ALPL: variants seen among roughly 807,000 people sequenced by gnomAD.
ALPL encodes the protein alkaline phosphatase, tissue-nonspecific isozyme.
Under a neutral mutation model 51.3 loss-of-function variants are expected in ALPL, and 42 were observed. The observed-to-expected ratio is 0.82, with a 90% CI of 0.64 to 1.06. The LOEUF (loss-of-function observed/expected upper bound fraction) is 1.06. ALPL is among the 50% of genes least tolerant of loss of function. The pLI, the probability that ALPL is intolerant of heterozygous loss-of-function variation, is 0.00. For missense variants in ALPL, 589 were observed against 709.4 expected (o/e 0.83, Z 1.93); for synonymous variants, 279 against 296.4 (o/e 0.94, Z 0.60).
At chr1:21,547,425 C>T (rs909911563) in intron 1 of ALPL, among the ~76,000 whole-genome samples, 6 of 152,206 alleles carry the variant, frequency 3.9e-5, no homozygotes, top group African/African-American at 1.4e-4. Context: ...GTCCCCCATC[C>T]TGGATGTGGT....
chr1:21,566,351 T>C (rs1644564282), intron 6 of ALPL, among the ~76,000 whole-genome samples: 1 of 152,144 alleles, frequency 6.6e-6, no homozygotes, highest in African/African-American at 2.4e-5. Context: ...TGGTGCGATC[T>C]TGGCTCACTG....
chr1:21,519,325 C>T (rs1032633487), intron 1 of ALPL, among the ~76,000 whole-genome samples: 3 of 152,232 alleles, frequency 2.0e-5, no homozygotes, highest in African/African-American at 7.2e-5. Context: ...TTTCCTCCAC[C>T]GCAGGCTCAG....
chr1:21,540,169 G>T (rs1316476644), intron 1 of ALPL, among the ~76,000 whole-genome samples: 1 of 152,140 alleles, frequency 6.6e-6, no homozygotes, highest in Non-Finnish European at 1.5e-5. Context: ...GGCAGAACAT[G>T]TCCTTTCCAT....
chr1:21,563,959 C>T (rs994111188), intron 5 of ALPL, 82 bp from the exon 6 acceptor site: 24 of 1,500,514 alleles, frequency 1.6e-5, no homozygotes, highest in South Asian at 7.0e-5. Context: ...CTGTCTTTAG[C>T]GGGGAGGGGG....
At chr1:21,522,902 T>TA (rs1643898143) in intron 1 of ALPL, among the ~76,000 whole-genome samples, 1 of 152,182 alleles carries the variant, frequency 6.6e-6, no homozygotes, top group Admixed American at 6.5e-5. Flanking sequence ...GCAAGTCAGA[T>TA]ACATTAATCA....
In ALPL at chr1:21,577,853, T is replaced by C. The variant is rs1420953422; in HGVS notation, c.*205T>C. On this transcript the variant is annotated 3_prime_UTR_variant, in exon 12 of 12. Coordinates refer to ENST00000374840, the MANE Select transcript of ALPL (RefSeq NM_000478.6). Reference sequence around the variant, plus strand: ...CAAACCCACTTCTGGCCTCCAGCCTTTGCTCCCTCCCCGCTGCCCTTTGGC... The same window carrying C: ...CAAACCCACTTCTGGCCTCCAGCCTCTGCTCCCTCCCCGCTGCCCTTTGGC... 2 of 679,194 alleles carry C rather than the reference T, an allele frequency of 2.9e-6. No individual in the cohort carries two copies. The allele number at this position is 679,194 out of a possible 1,614,324, so 42.1% of individuals were successfully genotyped here. A position where few individuals can be genotyped will look rare whatever the true frequency, so the allele number is the denominator to read the frequency against.
rs1443564062 is a variant in ALPL, at chr1:21,564,728, C to T, written c.648+512C>T. Among the ~76,000 whole-genome samples, 1 of 152,226 alleles carries T rather than the reference C, an allele frequency of 6.6e-6. No homozygotes were observed. The highest frequency in any genetic ancestry group is 1.5e-5 in the Non-Finnish European group (1 of 68,042). On this transcript the variant is annotated intron_variant, in intron 6 of 11. Transcript: ENST00000374840. This position sits in a 1 kb window ranked among gnomAD's most constrained non-coding sequence, Gnocchi z 5.8. Reference sequence around the variant, plus strand: ...TGTGACCTTGGGTCAGTTACTTAACCTCTCTGAGGCTTCCCTTTCACAACT... The same window carrying T: ...TGTGACCTTGGGTCAGTTACTTAACTTCTCTGAGGCTTCCCTTTCACAACT...
At chr1:21,511,895 G>A (rs1643694769) in intron 1 of ALPL, among the ~76,000 whole-genome samples, 1 of 152,258 alleles carries the variant, frequency 6.6e-6, no homozygotes, top group Non-Finnish European at 1.5e-5. Flanking sequence ...TACCTGAGGA[G>A]CTGGGGCTGG....
At chr1:21,536,023 AG>A (rs1644101347) in intron 1 of ALPL, among the ~76,000 whole-genome samples, 1 of 152,234 alleles carries the variant, frequency 6.6e-6, no homozygotes, top group South Asian at 2.1e-4. Context: ...ACCAAACTGA[AG>A]GGCCTGGAAG....
intron 1 of ALPL, among the ~76,000 whole-genome samples, chr1:21,544,954 C>A (rs897580994): frequency 6.6e-6 from 1 of 151,456 alleles, no homozygotes; most frequent in Non-Finnish European, 1.5e-5. Context: ...AAAAAAATAC[C>A]CTCTAACCCT....
rs550652978 is a variant in ALPL, at chr1:21,532,912, C to T, written c.-104-21066C>T. ...AACTAATTGGCTGTGTGACTTTGGGCAGGTCATGCTACCTCTCTGGACCTC... is the reference window on the plus strand; with the variant it reads ...AACTAATTGGCTGTGTGACTTTGGGTAGGTCATGCTACCTCTCTGGACCTC... On this transcript the variant is annotated intron_variant, in intron 1 of 11. Coordinates refer to ENST00000374840, the MANE Select transcript of ALPL (RefSeq NM_000478.6). Among the ~76,000 whole-genome samples, 3 of 152,328 alleles carry T rather than the reference C, an allele frequency of 2.0e-5. No homozygotes were observed. In the South Asian group the frequency reaches 6.2e-4, roughly 32 times the overall value.
At chr1:21,533,115 C>A (rs1035543920) in intron 1 of ALPL, among the ~76,000 whole-genome samples, 2 of 152,206 alleles carry the variant, frequency 1.3e-5, no homozygotes, top group Admixed American at 6.5e-5. Context: ...ACATGGAAAG[C>A]CACCGTTTAC....
chr1:21,558,064 A>C (rs1644436215), intron 2 of ALPL, among the ~76,000 whole-genome samples: 1 of 152,246 alleles, frequency 6.6e-6, no homozygotes, highest in African/African-American at 2.4e-5. Context: ...GTCTCCAAAA[A>C]CAATAGCCTC....
chr1:21,554,278 T>G (rs1455228847), intron 2 of ALPL, 136 bp downstream of exon 2: 3 of 824,684 alleles, frequency 3.6e-6, no homozygotes, highest in Non-Finnish European at 6.2e-6. Flanking sequence ...GCAGGAAACC[T>G]CAGCCCTGCT....
At position 21,577,342 on chromosome 1, in the gene ALPL, C is replaced by A. The variant is rs745565764; in HGVS notation, c.1310-41C>A. 4.3e-6 allele frequency: 7 copies of A among 1,612,664 alleles called. No homozygotes were observed. In the South Asian group the frequency reaches 6.6e-5, roughly 15 times the overall value. On this transcript the variant is annotated intron_variant, in intron 11 of 11. Transcript: ENST00000374840. The stretch of plus-strand genomic sequence containing the variant: ...GAAAAGCTGCGTGCGCAGCGCCAGG[C>A]CCCTGGCAGGCTCTCAGCAGGTGTT...
In ALPL at chr1:21,563,126, C is replaced by T. The variant is rs768348242; in HGVS notation, c.314C>T (p.Ala105Val). The T allele has an allele frequency of 5.6e-6, 9 of 1,613,558 alleles. No individual in the cohort carries two copies. The highest frequency in any genetic ancestry group is 1.1e-5 in the South Asian group (1 of 91,094). The change falls in exon 5 of 12, where the codon GCC (alanine) becomes GTC (valine). Residue 105 changes from alanine to valine, a missense_variant. Physicochemically the swap from Ala to Val is moderately conservative, Grantham distance 64 (BLOSUM62 0). Transcript: ENST00000374840. ...VALSKTYNTN[A>V]QVPDSAGTAT... Reference sequence around the variant, plus strand: ...CACCTGCAGACGTACAACACCAATGCCCAGGTCCCTGACAGTGCCGGCACC... The same window carrying T: ...CACCTGCAGACGTACAACACCAATGTCCAGGTCCCTGACAGTGCCGGCACC...
intron 2 of ALPL, among the ~76,000 whole-genome samples, chr1:21,557,997 C>T (rs1427164407): frequency 2.0e-5 from 3 of 152,308 alleles, no homozygotes; most frequent in South Asian, 2.1e-4. Context: ...TAGTATGTAC[C>T]GATCAGTGCC....
chr1:21,562,627 G>A (rs574363414), intron 4 of ALPL, among the ~76,000 whole-genome samples: 292 of 152,206 alleles, frequency 1.9e-3, no homozygotes, highest in African/African-American at 6.6e-3. Context: ...GATGGTGGCC[G>A]CAGGGCAGGT....
At chr1:21,539,398 T>C (rs1195975966) in intron 1 of ALPL, among the ~76,000 whole-genome samples, 1 of 152,196 alleles carries the variant, frequency 6.6e-6, no homozygotes, top group Non-Finnish European at 1.5e-5. Flanking sequence ...ATCTTATGAA[T>C]ACGATGACAA....
Sources: gnomAD v4.1 joint callset for allele counts (sites outside exome capture counted in the v4.1 genomes callset) on GRCh38, gnomAD v4.1.1 for gene constraint, Gnocchi (gnomAD v3.1) non-coding constraint, MANE v1.5 for transcripts, NCBI Gene and HGNC (gene_info 2026-07-23, HGNC 2026-07-21) for gene names.